The following ELF1 variants were observed in gnomAD, a reference collection of about 807,000 sequenced individuals.
The protein encoded by ELF1 is ETS-related transcription factor Elf-1.
In ELF1, 24 loss-of-function variants were observed where a neutral mutation model predicts 59.9. The ratio of observed to expected loss-of-function variants is 0.40; its 90% CI spans 0.29 to 0.56. ELF1 has a LOEUF of 0.56. Ranked by LOEUF, ELF1 falls within the 20% of genes least tolerant of loss-of-function variation. The probability of loss-of-function intolerance (pLI) is 0.44; values close to 1 mark genes in which losing one functional copy is unlikely to be tolerated. For synonymous variants in ELF1, 248 were observed against 266.2 expected (o/e 0.93, Z 0.67); for missense variants, 627 against 742.2 (o/e 0.84, Z 1.80).
chr13:40,972,900 T>C lies in ELF1; in HGVS notation c.72+9083A>G, dbSNP rs185571407. 2.4e-3 allele frequency among the ~76,000 whole-genome samples: 370 copies of C among 152,214 alleles called. 2 individuals carry two copies. The highest frequency in any genetic ancestry group is 8.5e-3 in the African/African-American group (351 of 41,530). The stretch of plus-strand genomic sequence containing the variant: ...CACTAATCAATCACTGTTTAAAAAA[T>C]CATCTCCCACCTAAGTCTTTAAATA... On this transcript the variant is annotated intron_variant, in intron 2 of 8. Coordinates refer to ENST00000239882, the MANE Select transcript of ELF1 (RefSeq NM_172373.4).
intron 1 of ELF1, among the ~76,000 whole-genome samples, chr13:40,995,773 T>C (rs527534030): frequency 1.3e-5 from 2 of 151,984 alleles, no homozygotes; most frequent in African/African-American, 2.4e-5. Context: ...TCCTAGAACA[T>C]AGCATAGGAG....
At chr13:41,046,608 C>T (rs955829026) in intron 1 of ELF1, among the ~76,000 whole-genome samples, 12 of 152,198 alleles carry the variant, frequency 7.9e-5, no homozygotes, top group African/African-American at 1.7e-4. Context: ...TGTTGAATAT[C>T]GGCCCCCACT....
At chr13:41,045,247 T>G (rs2138426180) in intron 1 of ELF1, among the ~76,000 whole-genome samples, 1 of 151,856 alleles carries the variant, frequency 6.6e-6, no homozygotes, top group South Asian at 2.1e-4. Flanking sequence ...AAAAAACAGC[T>G]CATGGATTCA....
intron 1 of ELF1, among the ~76,000 whole-genome samples, chr13:40,993,921 CTCAA>C (rs1481184520): frequency 6.7e-6 from 1 of 149,956 alleles, no homozygotes; most frequent in Non-Finnish European, 1.5e-5. Context: ...TATAGGATGT[CTCAA>C]TCAAACTTCT....
intron 1 of ELF1, among the ~76,000 whole-genome samples, chr13:41,033,998 A>G (rs1374071803): frequency 6.6e-6 from 1 of 152,214 alleles, no homozygotes; most frequent in Non-Finnish European, 1.5e-5. Context: ...AAACTTAGAC[A>G]TGTCAAAATT....
chr13:41,026,101 G>T (rs1486185089), intron 1 of ELF1, among the ~76,000 whole-genome samples: 1 of 152,082 alleles, frequency 6.6e-6, no homozygotes, highest in African/African-American at 2.4e-5. Context: ...ATGCTTATTG[G>T]ACCTAATGAG....
chr13:40,967,878 C>T (rs68089565), intron 2 of ELF1, among the ~76,000 whole-genome samples: 28,390 of 151,996 alleles, frequency 0.19, 2,839 homozygotes, highest in African/African-American at 0.24. Flanking sequence ...TAGGTGTGAG[C>T]CACCATGCCT....
intron 1 of ELF1, among the ~76,000 whole-genome samples, chr13:41,040,032 A>C (rs1343052079): frequency 1.3e-5 from 2 of 152,232 alleles, no homozygotes; most frequent in African/African-American, 2.4e-5. Flanking sequence ...GAGAGGGTAC[A>C]TGGAAAAAAA....
At chr13:41,005,593 A>G (rs1260438554) in intron 1 of ELF1, among the ~76,000 whole-genome samples, 1 of 151,934 alleles carries the variant, frequency 6.6e-6, no homozygotes, top group Non-Finnish European at 1.5e-5. Flanking sequence ...CCTGTACTAC[A>G]ATTTATATCC....
At chr13:41,003,016 A>C (rs1329360039) in intron 1 of ELF1, among the ~76,000 whole-genome samples, 4 of 152,092 alleles carry the variant, frequency 2.6e-5, no homozygotes, top group African/African-American at 9.7e-5. Context: ...TTATTTTCTT[A>C]ATATTTACTT....
chr13:40,995,096 C>T (rs962797385), intron 1 of ELF1, among the ~76,000 whole-genome samples: 3 of 152,116 alleles, frequency 2.0e-5, no homozygotes, highest in Admixed American at 6.5e-5. Flanking sequence ...CACTCTTACA[C>T]GGAGGCACAC....
intron 2 of ELF1, among the ~76,000 whole-genome samples, chr13:40,971,266 C>CT (rs566704542): frequency 1.5e-4 from 23 of 151,084 alleles, no homozygotes; most frequent in South Asian, 8.4e-4. Flanking sequence ...TTTTCTTTTT[C>CT]TTTTTTTTTG....
intron 5 of ELF1, among the ~76,000 whole-genome samples, chr13:40,949,011 G>T (rs1870676826): frequency 6.6e-6 from 1 of 152,110 alleles, no homozygotes; most frequent in Non-Finnish European, 1.5e-5. Flanking sequence ...TTGAGATGGA[G>T]TTTCACTCTT....
intron 1 of ELF1, among the ~76,000 whole-genome samples, chr13:41,059,782 T>C (rs1877429472): frequency 6.6e-6 from 1 of 152,184 alleles, no homozygotes; most frequent in Admixed American, 6.5e-5. Flanking sequence ...CAGTGAAACT[T>C]TGTTTTAACG....
chr13:41,035,034 T>C (rs1876317839), intron 1 of ELF1, among the ~76,000 whole-genome samples: 1 of 152,218 alleles, frequency 6.6e-6, no homozygotes, highest in African/African-American at 2.4e-5. Context: ...CCTCACTGTG[T>C]CATTAAAAGG....
chr13:40,983,618 ACTC>A (rs1873401714), intron 1 of ELF1, among the ~76,000 whole-genome samples: 3 of 151,776 alleles, frequency 2.0e-5, no homozygotes, highest in Admixed American at 1.3e-4. Flanking sequence ...AGGAAGTTTA[ACTC>A]CAACACTGGG....
At chr13:40,969,162 C>A (rs1288190694) in intron 2 of ELF1, among the ~76,000 whole-genome samples, 1 of 152,126 alleles carries the variant, frequency 6.6e-6, no homozygotes, top group Non-Finnish European at 1.5e-5. Flanking sequence ...GTACATGAGT[C>A]TAGTTCTTAA....
chr13:40,986,018 TA>T (rs11313704), intron 1 of ELF1, among the ~76,000 whole-genome samples: 150,242 of 152,294 alleles, frequency 0.99, 74,133 homozygotes, highest in East Asian at 1. Context: ...TACCAGATAA[TA>T]AAAAAATCTT....
chr13:40,941,621 C>A (rs188188202), intron 7 of ELF1, among the ~76,000 whole-genome samples: 2 of 152,036 alleles, frequency 1.3e-5, no homozygotes, highest in African/African-American at 4.8e-5. Flanking sequence ...ATGTGGAATC[C>A]TCTGGTCTTT....
Sources: gnomAD v4.1 joint callset for allele counts (sites outside exome capture counted in the v4.1 genomes callset) on GRCh38, gnomAD v4.1.1 for gene constraint, MANE v1.5 for transcripts, NCBI Gene and HGNC (gene_info 2026-07-23, HGNC 2026-07-21) for gene names.